NEK6: variants seen among roughly 807,000 people sequenced by gnomAD.
NEK6 encodes NIMA related kinase 6.
NEK6 carries 27 observed loss-of-function variants against 43.5 expected under a neutral mutation model. That is an observed-to-expected ratio of 0.62 (90% CI 0.46 to 0.86). NEK6 has a LOEUF of 0.86. Among genes scored for constraint, NEK6 ranks in the 40% least tolerant of loss-of-function variants. The pLI, the probability that NEK6 is intolerant of heterozygous loss-of-function variation, is 0.00. For synonymous variants in NEK6, 167 were observed against 164.1 expected (o/e 1.02, Z -0.14); for missense variants, 318 against 414.4 (o/e 0.77, Z 2.02).
At chr9:124,272,009 G>T (rs1342321130) in intron 1 of NEK6, among the ~76,000 whole-genome samples, 3 of 152,224 alleles carry the variant, frequency 2.0e-5, no homozygotes, top group Non-Finnish European at 4.4e-5. Context: ...TCAGGCCTCT[G>T]TTTTCCCATT....
chr9:124,347,663 A>T (rs1431337211), intron 8 of NEK6, 46 bp from the exon 9 acceptor site: 1 of 1,293,626 alleles, frequency 7.7e-7, no homozygotes, highest in Non-Finnish European at 1.1e-6. Flanking sequence ...AGTCCTTCTG[A>T]GCCTTGAGGC....
At chr9:124,261,509 T>C (rs1588429384) in intron 1 of NEK6, 2 of 985,338 alleles carry the variant, frequency 2.0e-6, no homozygotes, top group Admixed American at 1.2e-4. Flanking sequence ...AAGAGTCCGG[T>C]GTTCTGGCCC....
intron 8 of NEK6, among the ~76,000 whole-genome samples, chr9:124,344,351 A>T (rs1469617681): frequency 1.3e-5 from 2 of 152,058 alleles, no homozygotes; most frequent in Admixed American, 1.3e-4. Context: ...ACCCTCTCTC[A>T]CACTTGGGCA....
chr9:124,319,652 C>T lies in NEK6; in HGVS notation c.295-1807C>T, dbSNP rs560732458. On this transcript the variant is annotated intron_variant, in intron 4 of 9. Transcript: ENST00000320246. ...TACACATGGTGAAAAGTAGGGGTTC[C>T]GTTTCATTCTTCTGCATATAGCTAG... Among the ~76,000 whole-genome samples, 5 of 152,210 alleles carry T rather than the reference C, an allele frequency of 3.3e-5. No homozygotes were observed. In the South Asian group the frequency reaches 6.2e-4, roughly 19 times the overall value.
At chr9:124,320,150 A>G (rs1015202235) in intron 4 of NEK6, among the ~76,000 whole-genome samples, 2 of 152,242 alleles carry the variant, frequency 1.3e-5, no homozygotes, top group Non-Finnish European at 2.9e-5. Context: ...AGGGGCAGGC[A>G]GGGGCCAGCA....
rs1833716936 is a variant in NEK6, at chr9:124,314,495, TGGGTTTTTTTTTTATTTTAGA to T, written c.294+513_294+533del. 8.7e-5 allele frequency among the ~76,000 whole-genome samples: 13 copies of T among 149,290 alleles called. 1 individual carries two copies. The South Asian group carries it at 2.5e-3, about 29-fold the overall frequency. On this transcript the variant is annotated intron_variant, in intron 4 of 9. Coordinates refer to ENST00000320246, the MANE Select transcript of NEK6 (RefSeq NM_014397.6). ...GTAGTGGTGGTGGTGGTGGTGGTGGTGGGTTTTTTTTTTATTTTAGAGGCAAACTCTGTTGCCTGGACTGTA... is the reference window on the plus strand; with the variant it reads ...GTAGTGGTGGTGGTGGTGGTGGTGGTGGCAAACTCTGTTGCCTGGACTGTA...
intron 2 of NEK6, among the ~76,000 whole-genome samples, chr9:124,308,859 C>A (rs1833398383): frequency 6.6e-6 from 1 of 152,232 alleles, no homozygotes; most frequent in African/African-American, 2.4e-5. Context: ...GCCAGTGTTA[C>A]TGTGCCTGTG....
intron 4 of NEK6, among the ~76,000 whole-genome samples, chr9:124,317,415 G>T (rs1833872353): frequency 6.6e-6 from 1 of 152,220 alleles, no homozygotes; most frequent in Admixed American, 6.5e-5. Context: ...GTTTCACCAT[G>T]TTGGCCAGGC....
At chr9:124,263,160 A>G (rs1012158575) in intron 1 of NEK6, 4 of 152,258 alleles carry the variant, frequency 2.6e-5, no homozygotes, top group Non-Finnish European at 5.9e-5. Flanking sequence ...CTTCAGCTCT[A>G]ATGAATCAAG....
At chr9:124,297,297 G>A (rs946662027) in intron 1 of NEK6, among the ~76,000 whole-genome samples, 2 of 152,244 alleles carry the variant, frequency 1.3e-5, no homozygotes, top group Admixed American at 6.5e-5. Context: ...TAGCCTCATA[G>A]CTAAAGCCTC....
chr9:124,328,238 T>G (rs965006925), intron 7 of NEK6, among the ~76,000 whole-genome samples: 2 of 151,942 alleles, frequency 1.3e-5, no homozygotes, highest in Admixed American at 1.3e-4. Context: ...GATTTTTCAT[T>G]TAGTGAGAAC....
At position 124,326,288 on chromosome 9, in the gene NEK6, G is replaced by A. The variant is rs1165531473; in HGVS notation, c.406-42G>A. 15 of 1,367,934 alleles carry A rather than the reference G, an allele frequency of 1.1e-5. No homozygotes were observed. The highest frequency in any genetic ancestry group is 1.4e-5 in the Non-Finnish European group (14 of 1,003,134). The allele number at this position is 1,367,934 out of a possible 1,614,324, so 84.7% of individuals were successfully genotyped here. A position where few individuals can be genotyped will look rare whatever the true frequency, so the allele number is the denominator to read the frequency against. On this transcript the variant is annotated intron_variant, in intron 5 of 9. Transcript: ENST00000320246. This position sits in a 1 kb window ranked among gnomAD's most constrained non-coding sequence, Gnocchi z 4.5. ...CCTGTGGCCACCCACCTCCAAGCCC[G>A]CTCACCCGGGCCTATCCCTCTGCTT...
intron 1 of NEK6, among the ~76,000 whole-genome samples, chr9:124,290,627 C>T (rs1242771023): frequency 1.3e-5 from 2 of 152,268 alleles, no homozygotes; most frequent in Non-Finnish European, 2.9e-5. Flanking sequence ...GAGAGCCCCT[C>T]TTGGGGACCA....
chr9:124,315,076 C>T (rs1422910631), intron 4 of NEK6, among the ~76,000 whole-genome samples: 1 of 152,266 alleles, frequency 6.6e-6, no homozygotes, highest in Admixed American at 6.5e-5. Flanking sequence ...TTTTCTGCCA[C>T]ACGCTGCCCT....
intron 8 of NEK6, among the ~76,000 whole-genome samples, 191 bp downstream of exon 8, chr9:124,339,856 G>A (rs1333274061): frequency 6.6e-6 from 1 of 152,064 alleles, no homozygotes; most frequent in African/African-American, 2.4e-5. Context: ...GCAGGGCCAG[G>A]CTGGTGGAGG....
chr9:124,345,549 G>A (rs957727981), intron 8 of NEK6, among the ~76,000 whole-genome samples: 3 of 152,196 alleles, frequency 2.0e-5, no homozygotes, highest in African/African-American at 4.8e-5. Context: ...TCCCCTCAGC[G>A]TTCTGGGGCC....
chr9:124,296,411 G>A (rs1329785000), intron 1 of NEK6, among the ~76,000 whole-genome samples: 4 of 152,178 alleles, frequency 2.6e-5, no homozygotes, highest in African/African-American at 9.7e-5. Context: ...AAGGCCAGGA[G>A]TGGGTTCTCC....
chr9:124,268,364 T>G (rs1458378515), intron 1 of NEK6, among the ~76,000 whole-genome samples: 2 of 152,220 alleles, frequency 1.3e-5, no homozygotes, highest in Non-Finnish European at 2.9e-5. Flanking sequence ...GGCCTGGTGC[T>G]GGGTACTGGG....
intron 1 of NEK6, among the ~76,000 whole-genome samples, chr9:124,271,228 C>G (rs1055571303): frequency 6.6e-6 from 1 of 152,264 alleles, no homozygotes; most frequent in Non-Finnish European, 1.5e-5. Context: ...CTCTGACTTC[C>G]GCTCCTTGAG....
Sources: gnomAD v4.1 joint callset for allele counts (sites outside exome capture counted in the v4.1 genomes callset) on GRCh38, gnomAD v4.1.1 for gene constraint, Gnocchi (gnomAD v3.1) non-coding constraint, MANE v1.5 for transcripts, NCBI Gene and HGNC (gene_info 2026-07-23, HGNC 2026-07-21) for gene names.